Variants in MYOM3 observed in about 807,000 individuals in gnomAD.
The protein encoded by MYOM3 is myomesin-3.
A neutral mutation model predicts 191.7 loss-of-function variants in MYOM3; 155 were observed. That is an observed-to-expected ratio of 0.81 (90% CI 0.71 to 0.92). The LOEUF (loss-of-function observed/expected upper bound fraction) is 0.92. Ranked by LOEUF, MYOM3 falls within the 40% of genes least tolerant of loss-of-function variation. MYOM3 has a pLI of 0.00. For synonymous variants in MYOM3, 757 were observed against 762.9 expected, an observed-to-expected ratio of 0.99 and a Z score of 0.13; for missense variants, 1,889 against 1,890.6, an observed-to-expected ratio of 1.00 and a Z score of 0.02.
chr1:24,066,576 G>C (rs961004477), intron 28 of MYOM3: 1 of 373,492 alleles, frequency 2.7e-6, no homozygotes, highest in Non-Finnish European at 4.8e-6. Flanking sequence ...CCCTCTTACC[G>C]TGTGGCCTTG....
At chr1:24,091,071 C>A in intron 11 of MYOM3, 75 bp from the exon 12 acceptor site, 1 of 1,497,014 alleles carries the variant, frequency 6.7e-7, no homozygotes, top group Non-Finnish European at 9.1e-7. Context: ...CTACAAGGGC[C>A]TTTCTCTGAC....
At chr1:24,088,538 C>T (rs1021578502) in intron 14 of MYOM3, among the ~76,000 whole-genome samples, 1 of 152,160 alleles carries the variant, frequency 6.6e-6, no homozygotes, top group Non-Finnish European at 1.5e-5. Context: ...AACATCTTCA[C>T]CATGATACAC....
At position 24,111,615 on chromosome 1, in the gene MYOM3, G is replaced by T. The variant is rs1644038785; in HGVS notation, c.-19+416C>A. 6.6e-6 allele frequency among the ~76,000 whole-genome samples: 1 copy of T among 152,172 alleles called. No homozygotes were observed. The highest frequency in any genetic ancestry group is 1.5e-5 in the Non-Finnish European group (1 of 68,032). ...GAGGGCTCGCTCTCTTTCCCTGCCTGTGGGGTTGGCCAAGCCGGGCTCAGC... is the reference window on the plus strand; with the variant it reads ...GAGGGCTCGCTCTCTTTCCCTGCCTTTGGGGTTGGCCAAGCCGGGCTCAGC... On this transcript the variant is annotated intron_variant, in intron 1 of 36. Transcript: ENST00000374434. The surrounding 1 kb of genome is among the most constrained non-coding windows in gnomAD (Gnocchi z 4.7).
rs759320793 is a variant in MYOM3, at chr1:24,090,169, A to G, written c.1433-51T>C. On this transcript the variant is annotated intron_variant, in intron 12 of 36. Coordinates refer to ENST00000374434, the MANE Select transcript of MYOM3 (RefSeq NM_152372.4). ...GGTGGGGGGTGGCACAGGAGGAGTT[A>G]GGCCAGGAGCTACCCCACACCAGGG... 3 of 1,465,502 alleles carry G rather than the reference A, an allele frequency of 2.0e-6. No homozygotes were observed. In the Admixed American group the frequency reaches 5.0e-5, roughly 25 times the overall value. The allele number at this position is 1,465,502 out of a possible 1,614,324, so 90.8% of individuals were successfully genotyped here.
intron 5 of MYOM3, among the ~76,000 whole-genome samples, chr1:24,104,083 A>T (rs758362470): frequency 3.1e-4 from 47 of 152,218 alleles, no homozygotes; most frequent in Non-Finnish European, 5.4e-4. Flanking sequence ...GATAAGTCAC[A>T]CTACCTCTCT....
intron 4 of MYOM3, among the ~76,000 whole-genome samples, chr1:24,106,568 T>C (rs543379347): frequency 1.3e-5 from 2 of 152,284 alleles, no homozygotes; most frequent in South Asian, 4.1e-4. Context: ...CAATGACGTC[T>C]ATTTTACTTT....
At chr1:24,066,311 C>A in intron 28 of MYOM3, 1 of 692,548 alleles carries the variant, frequency 1.4e-6, no homozygotes, top group Non-Finnish European at 2.7e-6. Context: ...CCATCCGGGT[C>A]AAGCATGAGG....
At position 24,075,400 on chromosome 1, in the gene MYOM3, T is replaced by A. The variant is rs771489138; in HGVS notation, c.2777A>T (p.Asp926Val). The A allele has an allele frequency of 2.5e-6, 4 of 1,612,092 alleles. No individual in the cohort carries two copies. In the South Asian group the frequency reaches 3.3e-5, roughly 13 times the overall value. Reference sequence around the variant, plus strand: ...TTTGGACCACTGAAACTCTGAGGAGTCGGGGGCTTCAGGGGCTTCAAAAGC... The same window carrying A: ...TTTGGACCACTGAAACTCTGAGGAGACGGGGGCTTCAGGGGCTTCAAAAGC... ...YLAFEAPEAP[D>V]SSEFQWSKDY... Residue 926 changes from aspartate to valine, a missense_variant, in exon 22 of 37, where the codon GAC (aspartate) becomes GTC (valine). Physicochemically the swap from Asp to Val is radical, Grantham distance 152. Coordinates refer to ENST00000374434, the MANE Select transcript of MYOM3 (RefSeq NM_152372.4).
intron 16 of MYOM3, 121 bp downstream of exon 16, chr1:24,084,347 C>T: frequency 9.1e-7 from 1 of 1,098,890 alleles, no homozygotes; most frequent in Non-Finnish European, 1.3e-6. Flanking sequence ...AAAAAGAAGC[C>T]TGTATAGGTC....
intron 29 of MYOM3, 43 bp downstream of exon 29, chr1:24,065,848 A>C: frequency 1.4e-6 from 2 of 1,456,940 alleles, no homozygotes; most frequent in Non-Finnish European, 1.9e-6. Flanking sequence ...CCTGGCTTGC[A>C]GCCAAAGGAG....
chr1:24,105,827 T>C, intron 5 of MYOM3, 93 bp downstream of exon 5: 1 of 1,292,106 alleles, frequency 7.7e-7, no homozygotes, highest in East Asian at 2.4e-5. Context: ...GGTTCACAGG[T>C]CTGCAACAAG....
In MYOM3 at chr1:24,106,102, C is replaced by T. The variant is rs553891752; in HGVS notation, c.403-25G>A. ...TCTGGAGGCGGGAAGAGGTGTATGACGCTGTGAGCCAGGGACCACCTCTCT... is the reference window on the plus strand; with the variant it reads ...TCTGGAGGCGGGAAGAGGTGTATGATGCTGTGAGCCAGGGACCACCTCTCT... On this transcript the variant is annotated intron_variant, in intron 4 of 36. Transcript: ENST00000374434. 1.4e-5 allele frequency: 22 copies of T among 1,579,256 alleles called. No individual in the cohort carries two copies. In the East Asian group the frequency reaches 2.0e-4, roughly 15 times the overall value.
At chr1:24,101,173 A>T (rs1643928112) in intron 5 of MYOM3, among the ~76,000 whole-genome samples, 1 of 152,116 alleles carries the variant, frequency 6.6e-6, no homozygotes, top group Non-Finnish European at 1.5e-5. Flanking sequence ...CTTGGCAGGA[A>T]CAGGGAGGTG....
At chr1:24,065,415 C>G (rs1363592080) in intron 29 of MYOM3, among the ~76,000 whole-genome samples, 1 of 152,196 alleles carries the variant, frequency 6.6e-6, no homozygotes, top group Non-Finnish European at 1.5e-5. Context: ...GAGAATTGAG[C>G]TCCAGGCCTG....
rs6675936 is a variant in MYOM3 at position 24,058,814 on chromosome 1, G to A, written c.4050+110C>T. On this transcript the variant is annotated intron_variant, in intron 36 of 36. Coordinates refer to ENST00000374434, the MANE Select transcript of MYOM3 (RefSeq NM_152372.4). ...GTCATCAATGAGGTGTGGTCACTTGGCCACTCTTTGGCTTTGAATCCATGG... is the reference window on the plus strand; with the variant it reads ...GTCATCAATGAGGTGTGGTCACTTGACCACTCTTTGGCTTTGAATCCATGG... 1,274 of 811,926 alleles carry A rather than the reference G, an allele frequency of 1.6e-3. 14 individuals carry two copies. The African/African-American group carries it at 0.018, about 11-fold the overall frequency. The allele number at this position is 811,926 out of a possible 1,614,324, so 50.3% of individuals were successfully genotyped here.
intron 22 of MYOM3, 61 bp from the exon 23 acceptor site, chr1:24,074,330 C>T (rs2148547437): frequency 1.5e-6 from 2 of 1,329,830 alleles, no homozygotes; most frequent in African/African-American, 2.9e-5. Flanking sequence ...GCACTAGAGG[C>T]CTGGGAGCCA....
chr1:24,067,179 G>C (rs1280888028), intron 27 of MYOM3, 91 bp from the exon 28 acceptor site: 1 of 1,293,716 alleles, frequency 7.7e-7, no homozygotes, highest in Non-Finnish European at 1.1e-6. Flanking sequence ...GGGAGGGACA[G>C]CTAATGGCTA....
chr1:24,057,206 G>A lies in MYOM3; in HGVS notation c.*158C>T. 1 of 718,332 alleles carries A rather than the reference G, an allele frequency of 1.4e-6. No homozygotes were observed. Among genetic ancestry groups the A allele is most frequent in the Non-Finnish European group, 2.2e-6 (1 of 445,478 alleles). The allele number at this position is 718,332 out of a possible 1,614,324, so 44.5% of individuals were successfully genotyped here. Reference sequence around the variant, plus strand: ...AGAAAGATCTTTGCTTCTCCACTTTGGTGCATCCGCTCCACCCCCACCCTC... The same window carrying A: ...AGAAAGATCTTTGCTTCTCCACTTTAGTGCATCCGCTCCACCCCCACCCTC... On this transcript the variant is annotated 3_prime_UTR_variant, in exon 37 of 37. Transcript: ENST00000374434.
Position 24,081,676 on chromosome 1 carries a change from T to C in MYOM3, c.2281-220A>G, listed in dbSNP as rs139463998. ...CTTCTGGGCTCATGCAGTCCTCCTG[T>C]GTTAGCCTCTCGAGTAGCCAGGACT... On this transcript the variant is annotated intron_variant, in intron 18 of 36. Transcript: ENST00000374434. 967 of 606,228 alleles carry C rather than the reference T, an allele frequency of 1.6e-3. 3 individuals are homozygous for C. The highest frequency in any genetic ancestry group is 4.0e-3 in the Middle Eastern group (9 of 2,238). The allele number at this position is 606,228 out of a possible 1,614,324, so 37.6% of individuals were successfully genotyped here.
Sources: allele counts gnomAD v4.1 joint callset (sites outside exome capture counted in the v4.1 genomes callset), GRCh38; gene constraint gnomAD v4.1.1; non-coding constraint Gnocchi (gnomAD v3.1); transcripts MANE v1.5; gene names NCBI Gene and HGNC (gene_info 2026-07-23, HGNC 2026-07-21).